Variants in PRSS55 observed in about 807,000 individuals in gnomAD.
PRSS55 encodes the protein probable serine protease UNQ9391/PRO34284.
In PRSS55, 41 loss-of-function variants were observed where a neutral mutation model predicts 23.6. The ratio of observed to expected loss-of-function variants is 1.74; its 90% confidence interval spans 1.35 to 2.26. The LOEUF (loss-of-function observed/expected upper bound fraction) is 2.26. Ranked by LOEUF, PRSS55 falls within the 30% of genes most tolerant of loss-of-function variation. The pLI is 0.00. For synonymous variants in PRSS55, 262 were observed against 175.5 expected, an observed-to-expected ratio of 1.49 and a Z score of -3.90; for missense variants, 669 against 439.1, an observed-to-expected ratio of 1.52 and a Z score of -4.68.
At chr8:10,526,569 T>C (rs1247905775) in intron 1 of PRSS55, among the ~76,000 whole-genome samples, 4 of 152,242 alleles carry the variant, frequency 2.6e-5, no homozygotes, top group African/African-American at 7.2e-5. Flanking sequence ...TCAGATCACT[T>C]AGAAGCAGCC....
At chr8:10,540,690 G>C (rs1361356557), downstream of PRSS55, 1 of 152,154 alleles carries the variant, frequency 6.6e-6, no homozygotes, top group Non-Finnish European at 1.5e-5. Context: ...ACTCCGGCCT[G>C]GGCATCAAGA....
intron 4 of PRSS55, among the ~76,000 whole-genome samples, chr8:10,551,323 CTCAT>C (rs774097002): frequency 3.0e-5 from 4 of 132,340 alleles, no homozygotes; most frequent in Admixed American, 2.3e-4. Flanking sequence ...CCCTCACTCA[CTCAT>C]TCATTCATTC....
downstream of PRSS55, among the ~76,000 whole-genome samples, chr8:10,543,445 A>ATCCTTCCT (rs1197210811): frequency 5.3e-4 from 13 of 24,752 alleles, no homozygotes; most frequent in South Asian, 9.1e-3. Flanking sequence ...CCTTCCTTCC[A>ATCCTTCCT]TCCTTCCTTC....
At chr8:10,543,415 T>TTTC (rs1491297830), downstream of PRSS55, among the ~76,000 whole-genome samples, 14 of 37,798 alleles carry the variant, frequency 3.7e-4, no homozygotes, top group Admixed American at 4.3e-3. Flanking sequence ...CTTTCTTTCT[T>TTTC]CTTTCTTTCT....
chr8:10,543,448 C>T (rs569386420), downstream of PRSS55, among the ~76,000 whole-genome samples: 59,391 of 94,660 alleles, frequency 0.63, 18,469 homozygotes, highest in South Asian at 0.78. Context: ...TCCTTCCATC[C>T]TTCCTTCCTT....
At chr8:10,551,056 T>C (rs766897353) in intron 4 of PRSS55, among the ~76,000 whole-genome samples, 2 of 152,236 alleles carry the variant, frequency 1.3e-5, no homozygotes, top group African/African-American at 2.4e-5. Context: ...TTCTTATTCA[T>C]AGCATACTCA....
chr8:10,538,719 G>C lies in PRSS55; in HGVS notation c.985G>C (p.Glu329Gln). The change falls in exon 5 of 5, where the codon GAG (glutamate) becomes CAG (glutamine). Residue 329 changes from glutamate to glutamine, a missense_variant. Glu to Gln is a conservative substitution (Grantham distance 29, BLOSUM62 2). Coordinates refer to ENST00000328655, the MANE Select transcript of PRSS55 (RefSeq NM_198464.4). ...PMGSPVSGVP[E>Q]PGSPRSWLLL... ...GGGCTCCCCAGTCTCGGGAGTCCCA[G>C]AGCCAGGCAGCCCCAGATCCTGGCT... The C allele has an allele frequency of 6.2e-7, 1 of 1,613,676 alleles. No homozygotes were observed. Among genetic ancestry groups the C allele is most frequent in the South Asian group, 1.1e-5 (1 of 91,042 alleles).
chr8:10,549,091 C>A (rs370025335), intron 4 of PRSS55, among the ~76,000 whole-genome samples: 1 of 152,188 alleles, frequency 6.6e-6, no homozygotes, highest in East Asian at 1.9e-4. Flanking sequence ...TACTACCTGA[C>A]CCTTGACAGA....
rs1007666489 is a variant in PRSS55, at chr8:10,529,687, C to T, written c.335C>T (p.Ser112Phe). The T allele has an allele frequency of 2.5e-6, 4 of 1,613,526 alleles. No homozygotes were observed. The highest frequency in any genetic ancestry group is 3.3e-5 in the Admixed American group (2 of 59,998). ...WILTAAHCLY[S>F]EELFPEELSV... ...CTCACTGCGGCTCACTGCTTATATT[C>T]CGAGGAGCTGTTGTAAGTACCATGG... The change falls in exon 2 of 5, where the codon TCC becomes TTC. Residue 112 changes from serine to phenylalanine, a missense_variant. Coordinates refer to ENST00000328655, the MANE Select transcript of PRSS55 (RefSeq NM_198464.4).
chr8:10,537,781 CCCAG>C (rs1812507711), intron 4 of PRSS55, among the ~76,000 whole-genome samples: 1 of 152,170 alleles, frequency 6.6e-6, no homozygotes, highest in Non-Finnish European at 1.5e-5. Context: ...GGGTTCCAAT[CCCAG>C]CCAGTCTACC....
intron 4 of PRSS55, among the ~76,000 whole-genome samples, chr8:10,552,129 T>C (rs1812965633): frequency 6.6e-6 from 1 of 152,202 alleles, no homozygotes; most frequent in Non-Finnish European, 1.5e-5. Flanking sequence ...TACTGGAAGC[T>C]ACTGGTTATG....
chr8:10,546,096 G>A lies in PRSS55; in HGVS notation c.742-7847G>A, dbSNP rs138147235. ...AAAGGCAGGGCTCGGTGTCACTTAT[G>A]CCCAGGGGAACTAGGCTCCCCTGAG... On this transcript the variant is annotated intron_variant, in intron 4 of 4. Transcript: ENST00000522210. 2.0e-3 allele frequency among the ~76,000 whole-genome samples: 310 copies of A among 152,250 alleles called. 1 individual carries two copies. Among genetic ancestry groups the A allele is most frequent in the Middle Eastern group, 6.8e-3 (2 of 294 alleles).
At chr8:10,550,299 G>T (rs995071225) in intron 4 of PRSS55, among the ~76,000 whole-genome samples, 1 of 152,150 alleles carries the variant, frequency 6.6e-6, no homozygotes, top group Non-Finnish European at 1.5e-5. Context: ...CAGAAGTGGG[G>T]GTCTAGAACT....
At chr8:10,536,677 C>T (rs534376565) in intron 4 of PRSS55, among the ~76,000 whole-genome samples, 18 of 137,560 alleles carry the variant, frequency 1.3e-4, no homozygotes, top group East Asian at 6.6e-4. Flanking sequence ...TGGAATACTA[C>T]GAAGCCATAA....
chr8:10,538,490 G>T lies in PRSS55; in HGVS notation c.756G>T (p.Gly252=), dbSNP rs751559292. ...SYDACKGDSG[G]PLVCTPEPGE... is the part of the protein sequence containing the mutation. Reference sequence around the variant, plus strand: ...TCTGCCCACAGGGTGACAGTGGGGGGCCTCTGGTCTGCACCCCAGAGCCTG... The same window carrying T: ...TCTGCCCACAGGGTGACAGTGGGGGTCCTCTGGTCTGCACCCCAGAGCCTG... Residue 252 remains glycine, a synonymous_variant, in exon 5 of 5, where the codon GGG becomes GGT. Transcript: ENST00000328655. 6 of 1,612,868 alleles carry T rather than the reference G, an allele frequency of 3.7e-6. No individual in the cohort carries two copies. Among genetic ancestry groups the T allele is most frequent in the African/African-American group, 1.3e-5 (1 of 75,004 alleles).
Position 10,529,491 on chromosome 8 carries a change from T to C in PRSS55, c.155-16T>C. 1 of 1,613,498 alleles carries C rather than the reference T, an allele frequency of 6.2e-7. No individual in the cohort carries two copies. The highest frequency in any genetic ancestry group is 8.5e-7 in the Non-Finnish European group (1 of 1,179,448). On this transcript the variant is annotated splice_polypyrimidine_tract_variant and intron_variant, in intron 1 of 4. Coordinates refer to ENST00000328655, the MANE Select transcript of PRSS55 (RefSeq NM_198464.4). The stretch of plus-strand genomic sequence containing the variant: ...GTGTTTCCCCTTTTCCTTTCCACTC[T>C]CTTTCTTTCCACCAGAATGTGGTGA...
intron 4 of PRSS55, among the ~76,000 whole-genome samples, chr8:10,546,989 C>T (rs115285937): frequency 1.1e-3 from 164 of 152,288 alleles, no homozygotes; most frequent in African/African-American, 3.8e-3. Flanking sequence ...ACCCAGCCCT[C>T]AGCTTTGACC....
rs1354476918 is a variant in PRSS55, at chr8:10,525,670, G to A, written c.85G>A (p.Val29Met). The A allele has an allele frequency of 1.2e-6, 2 of 1,614,042 alleles. No individual in the cohort carries two copies. The highest frequency in any genetic ancestry group is 2.2e-5 in the East Asian group (1 of 44,880). ...ACGGACTCCTCTCCCAGAGGCTGGA[G>A]TGGCTATCCTAGGCAGGGCTAGGGG... is the stretch of plus-strand genomic sequence containing the variant. Reference protein sequence around the residue: ...GPRTPLPEAGVAILGRARGAH... With the variant: ...GPRTPLPEAGMAILGRARGAH... Residue 29 changes from valine (V) to methionine (M), a missense_variant, in exon 1 of 5, where the codon GTG (valine) becomes ATG (methionine). Transcript: ENST00000328655.
chr8:10,529,504 C>G lies in PRSS55; in HGVS notation c.155-3C>G. On this transcript the variant is annotated splice_polypyrimidine_tract_variant and splice_region_variant and intron_variant, in intron 1 of 4. Coordinates refer to ENST00000328655, the MANE Select transcript of PRSS55 (RefSeq NM_198464.4). Reference sequence around the variant, plus strand: ...TCCTTTCCACTCTCTTTCTTTCCACCAGAATGTGGTGACAGATCTATTTTC... The same window carrying G: ...TCCTTTCCACTCTCTTTCTTTCCACGAGAATGTGGTGACAGATCTATTTTC... The G allele has an allele frequency of 1.2e-6, 2 of 1,613,928 alleles. No homozygotes were observed. The highest frequency in any genetic ancestry group is 2.2e-5 in the South Asian group (2 of 91,078).
Sources: allele counts gnomAD v4.1 joint callset (sites outside exome capture counted in the v4.1 genomes callset), GRCh38; gene constraint gnomAD v4.1.1; transcripts MANE v1.5; gene names NCBI Gene and HGNC (gene_info 2026-07-23, HGNC 2026-07-21).